RBFOX1: variants seen among roughly 807,000 people sequenced by gnomAD.
RBFOX1 encodes RNA binding protein fox-1 homolog 1.
Under a neutral mutation model 57.7 loss-of-function variants are expected in RBFOX1, and 8 were observed. The ratio of observed to expected loss-of-function variants is 0.14; its 90% CI spans 0.08 to 0.25. The LOEUF is 0.25. RBFOX1 is among the 10% of genes least tolerant of loss of function. The pLI, the probability that RBFOX1 is intolerant of heterozygous loss-of-function variation, is 1.00. For synonymous variants in RBFOX1, 326 were observed against 222.4 expected, an observed-to-expected ratio of 1.47 and a Z score of -4.15; for missense variants, 611 against 548.5, an observed-to-expected ratio of 1.11 and a Z score of -1.14.
At chr16:6,642,834 T>A (rs978017307) in intron 2 of RBFOX1, among the ~76,000 whole-genome samples, 1 of 152,160 alleles carries the variant, frequency 6.6e-6, no homozygotes, top group African/African-American at 2.4e-5. Flanking sequence ...TCCAAATGTT[T>A]ATAAAGTCAG....
rs56757825 is a variant in RBFOX1 at position 7,160,836 on chromosome 16, TTCCTCC to T, written c.27+108755_27+108760del. On this transcript the variant is annotated intron_variant, in intron 4 of 15. Coordinates refer to ENST00000550418, the MANE Select transcript of RBFOX1 (RefSeq NM_018723.4). ...CTCCCTCCTCCCTCCTCCCTCCTCC[TTCCTCC>T]TCCTCCTCCTCCTCCTTCTTTTTCT... Among the ~76,000 whole-genome samples, 142 of 144,042 alleles carry T rather than the reference TTCCTCC, an allele frequency of 9.9e-4. 1 individual carries two copies. Among genetic ancestry groups the T allele is most frequent in the African/African-American group, 3.4e-3 (132 of 39,172 alleles). 94.5% of individuals were successfully genotyped at this position (144,042 alleles called of 152,430 possible).
At chr16:5,891,861 G>A (rs142275934) in intron 4 of RBFOX1, among the ~76,000 whole-genome samples, 1 of 152,166 alleles carries the variant, frequency 6.6e-6, no homozygotes, top group Non-Finnish European at 1.5e-5. Context: ...CCTGTTCTGA[G>A]GGATTCTAGG....
chr16:6,445,997 G>A (rs985637828), intron 2 of RBFOX1, among the ~76,000 whole-genome samples: 1 of 151,680 alleles, frequency 6.6e-6, no homozygotes. Flanking sequence ...TAGGGTCTCT[G>A]TTTGTCATTC....
intron 4 of RBFOX1, among the ~76,000 whole-genome samples, chr16:7,452,136 C>G (rs146807184): frequency 9.2e-5 from 14 of 152,320 alleles, no homozygotes; most frequent in African/African-American, 3.1e-4. Flanking sequence ...AGAGGAACAT[C>G]ACTACTTTAT....
intron 3 of RBFOX1, among the ~76,000 whole-genome samples, chr16:6,807,013 T>C (rs911362355): frequency 2.0e-5 from 3 of 151,530 alleles, no homozygotes; most frequent in Admixed American, 6.6e-5. Context: ...TTTGTATTTT[T>C]AGCAGAGATG....
chr16:5,776,043 AT>A (rs1567526280), intron 3 of RBFOX1, among the ~76,000 whole-genome samples: 1 of 115,780 alleles, frequency 8.6e-6, no homozygotes, highest in Non-Finnish European at 1.8e-5. Flanking sequence ...ATGAATCTTA[AT>A]AAAAAATGGA....
At chr16:6,251,717 T>A (rs895396961) in intron 1 of RBFOX1, among the ~76,000 whole-genome samples, 2 of 152,038 alleles carry the variant, frequency 1.3e-5, no homozygotes, top group African/African-American at 4.8e-5. Flanking sequence ...ACAAATTAAA[T>A]GAATGAAAAA....
intron 4 of RBFOX1, among the ~76,000 whole-genome samples, chr16:7,436,905 T>C (rs1045893701): frequency 2.6e-5 from 4 of 151,696 alleles, no homozygotes; most frequent in African/African-American, 9.7e-5. Context: ...CTACTAAAAA[T>C]ACAAAAAAAT....
intron 4 of RBFOX1, among the ~76,000 whole-genome samples, chr16:7,200,542 C>G (rs1355242849): frequency 6.6e-6 from 1 of 152,152 alleles, no homozygotes; most frequent in East Asian, 1.9e-4. Flanking sequence ...GCATGGAGCT[C>G]ATATTTTCTG....
chr16:6,525,193 A>T (rs893611103), intron 2 of RBFOX1, among the ~76,000 whole-genome samples: 2 of 152,198 alleles, frequency 1.3e-5, no homozygotes, highest in African/African-American at 4.8e-5. Flanking sequence ...GAAGGCAAAC[A>T]AGAAGATAAG....
intron 4 of RBFOX1, among the ~76,000 whole-genome samples, chr16:7,107,892 T>C (rs943124451): frequency 9.9e-5 from 15 of 152,134 alleles, no homozygotes; most frequent in African/African-American, 3.6e-4. Context: ...TGCTTGATGC[T>C]AAACGGTGGA....
At chr16:6,039,257 G>C (rs972824785) in intron 1 of RBFOX1, among the ~76,000 whole-genome samples, 1 of 150,162 alleles carries the variant, frequency 6.7e-6, no homozygotes, top group Non-Finnish European at 1.5e-5. Flanking sequence ...CATGGCCTCT[G>C]TCTGGCTTTC....
In RBFOX1 at chr16:5,791,320, A is replaced by G. The variant is rs1478048833; in HGVS notation, c.319-75983A>G. 3.9e-5 allele frequency among the ~76,000 whole-genome samples: 6 copies of G among 152,224 alleles called. No homozygotes were observed. The South Asian group carries it at 1.2e-3, about 31-fold the overall frequency. On this transcript the variant is annotated intron_variant, in intron 3 of 19. Transcript: ENST00000641259. ...CTGATAAAAAGATCAATGCAATGCT[A>G]TTAATAATTATATCATCTTAACAGA...
Position 5,702,018 on chromosome 16 carries a change from A to C in RBFOX1, c.318+103057A>C, listed in dbSNP as rs56904513. On this transcript the variant is annotated intron_variant, in intron 3 of 19. Transcript: ENST00000641259. ...CTGGTAGAAAGTAAGAGCTCAATAG[A>C]CACGTGTTGATGGAGTGAAGAGAAA... 7.8e-3 allele frequency among the ~76,000 whole-genome samples: 1,195 copies of C among 152,276 alleles called. 14 individuals carry two copies. Among genetic ancestry groups the C allele is most frequent in the African/African-American group, 0.026 (1,099 of 41,538 alleles).
intron 3 of RBFOX1, among the ~76,000 whole-genome samples, chr16:6,680,543 G>A (rs1005963630): frequency 1.4e-4 from 21 of 152,104 alleles, no homozygotes; most frequent in African/African-American, 4.8e-4. Flanking sequence ...GATTACAGGC[G>A]TAAGCCACCG....
intron 2 of RBFOX1, among the ~76,000 whole-genome samples, chr16:6,527,773 A>C (rs567496682): frequency 6.6e-6 from 1 of 152,024 alleles, no homozygotes; most frequent in African/African-American, 2.4e-5. Flanking sequence ...TGGGCGAGTT[A>C]ATGGTTGCCA....
chr16:6,718,937 G>A (rs1222784360), intron 3 of RBFOX1, among the ~76,000 whole-genome samples: 2 of 151,630 alleles, frequency 1.3e-5, no homozygotes, highest in Non-Finnish European at 2.9e-5. Context: ...ATCTCAGCTT[G>A]CTGCAGCTTC....
Position 7,489,708 on chromosome 16 carries a change from G to GT in RBFOX1, c.28-28427dup, listed in dbSNP as rs1004555542. On this transcript the variant is annotated intron_variant, in intron 4 of 15. Transcript: ENST00000550418. ...TTGTTTTTTATTTTTTGTAGAGACCGTTTTTTTTTTTTATGTTGTTCCGGC... is the reference window on the plus strand; with the variant it reads ...TTGTTTTTTATTTTTTGTAGAGACCGTTTTTTTTTTTTTATGTTGTTCCGGC... 6.6e-3 allele frequency among the ~76,000 whole-genome samples: 939 copies of GT among 143,194 alleles called. 9 individuals are homozygous for GT. Among genetic ancestry groups the GT allele is most frequent in the African/African-American group, 0.018 (704 of 39,378 alleles). The allele number at this position is 143,194 out of a possible 152,430, so 93.9% of individuals were successfully genotyped here.
At chr16:5,923,891 T>C (rs1011512276) in intron 4 of RBFOX1, among the ~76,000 whole-genome samples, 2 of 152,148 alleles carry the variant, frequency 1.3e-5, no homozygotes, top group African/African-American at 2.4e-5. Flanking sequence ...CCCTAATTCT[T>C]AGAGACCTTC....
Sources: allele counts gnomAD v4.1 joint callset (sites outside exome capture counted in the v4.1 genomes callset), GRCh38; gene constraint gnomAD v4.1.1; transcripts MANE v1.5; gene names NCBI Gene and HGNC (gene_info 2026-07-23, HGNC 2026-07-21).